JAKMIP1: variants seen among roughly 807,000 people sequenced by gnomAD.
JAKMIP1 encodes the protein janus kinase and microtubule interacting protein 1, also known as janus kinase and microtubule-interacting protein 1.
JAKMIP1 carries 33 observed loss-of-function variants against 113.0 expected under a neutral mutation model. The observed-to-expected ratio is 0.29, with a 90% CI of 0.22 to 0.39. The LOEUF is 0.39. JAKMIP1 is among the 10% of genes least tolerant of loss of function. The probability of loss-of-function intolerance (pLI) is 1.00; values close to 1 mark genes in which losing one functional copy is unlikely to be tolerated. For missense variants in JAKMIP1, 813 were observed against 1,080.5 expected (o/e 0.75, Z 3.47); for synonymous variants, 480 against 459.9 (o/e 1.04, Z -0.56).
chr4:6,054,216 CCTGA>C, intron 12 of JAKMIP1, 68 bp from the exon 13 acceptor site: 1 of 1,497,022 alleles, frequency 6.7e-7, no homozygotes, highest in African/African-American at 1.4e-5. Flanking sequence ...TCACAGGCCA[CCTGA>C]CTGAGTGGCT....
In JAKMIP1 at chr4:6,094,584, G is replaced by T. The variant is rs987662720; in HGVS notation, c.625-8955C>A. Among the ~76,000 whole-genome samples, 1 of 152,216 alleles carries T rather than the reference G, an allele frequency of 6.6e-6. No individual in the cohort carries two copies. Among genetic ancestry groups the T allele is most frequent in the African/African-American group, 2.4e-5 (1 of 41,452 alleles). ...CCTAGTTGAGATCCTGAGGCCCAAG[G>T]CCTTAAGCTGTGCCTTGATTCCTCC... On this transcript the variant is annotated intron_variant, in intron 3 of 20. Transcript: ENST00000409021. This position sits in a 1 kb window ranked among gnomAD's most constrained non-coding sequence, Gnocchi z 4.2.
chr4:6,041,514 C>T (rs1219753421), intron 17 of JAKMIP1, among the ~76,000 whole-genome samples: 2 of 152,188 alleles, frequency 1.3e-5, no homozygotes, highest in African/African-American at 4.8e-5. Context: ...TCAAGAACCA[C>T]GTCTTCTGGG....
chr4:6,195,886 T>C (rs188280461), intron 1 of JAKMIP1, among the ~76,000 whole-genome samples: 7 of 152,352 alleles, frequency 4.6e-5, no homozygotes, highest in African/African-American at 1.7e-4. Context: ...AGACCATACA[T>C]ACACAAATGG....
chr4:6,143,440 C>T lies in JAKMIP1; in HGVS notation c.-147-30443G>A, dbSNP rs184867779. 3.5e-3 allele frequency among the ~76,000 whole-genome samples: 535 copies of T among 152,294 alleles called. 1 individual carries two copies. The highest frequency in any genetic ancestry group is 5.6e-3 in the South Asian group (27 of 4,818). On this transcript the variant is annotated intron_variant, in intron 1 of 20. Coordinates refer to ENST00000409021, the MANE Select transcript of JAKMIP1 (RefSeq NM_001099433.2). This position sits in a 1 kb window ranked among gnomAD's most constrained non-coding sequence, Gnocchi z 4.9. ...CTGAACCCAGGCTGGTAAGAGTCAA[C>T]GGGTCCCCTCTGGAGCCAGCATGTG...
chr4:6,133,143 A>T (rs184988921), intron 1 of JAKMIP1, among the ~76,000 whole-genome samples: 1 of 152,298 alleles, frequency 6.6e-6, no homozygotes, highest in East Asian at 1.9e-4. Context: ...CACCAAAAAA[A>T]CCTCATAATG....
At position 6,112,791 on chromosome 4, in the gene JAKMIP1, C is replaced by A. The variant is rs774836734; in HGVS notation, c.60G>T (p.Gln20His). 2.5e-6 allele frequency: 4 copies of A among 1,614,150 alleles called. No individual in the cohort carries two copies. The South Asian group carries it at 4.4e-5, about 18-fold the overall frequency. The change falls in exon 2 of 21, where the codon CAG becomes CAT. Residue 20 changes from glutamine (Q) to histidine (H), a missense_variant. This residue lies in a region of JAKMIP1 where 540 missense variants were observed against 653.9 expected (regional missense o/e 0.83). Transcript: ENST00000409021. The stretch of plus-strand genomic sequence containing the variant: ...TGGCCCGCAGCTCCTCGTTGGCCAT[C>A]TGCACCGCGTCCGTCTCCATCTCGG... The part of the protein sequence containing the change: ...EKPEMETDAV[Q>H]MANEELRAKL...
rs1033685606 is a variant in JAKMIP1, at chr4:6,040,810, G to T, written c.2098-94C>A. On this transcript the variant is annotated intron_variant, in intron 17 of 20. Transcript: ENST00000409021. This position sits in a 1 kb window ranked among gnomAD's most constrained non-coding sequence, Gnocchi z 5.8. ...TTTGCTAGAGAGTGGCAGTCTCACCGAATTGGGGGCACTCAGATGAGAAGG... is the reference window on the plus strand; with the variant it reads ...TTTGCTAGAGAGTGGCAGTCTCACCTAATTGGGGGCACTCAGATGAGAAGG... The T allele has an allele frequency of 2.2e-6, 2 of 912,360 alleles. No homozygotes were observed. The highest frequency in any genetic ancestry group is 3.5e-6 in the Non-Finnish European group (2 of 568,524). The allele number at this position is 912,360 out of a possible 1,614,324, so 56.5% of individuals were successfully genotyped here.
rs370358525 is a variant in JAKMIP1, at chr4:6,136,497, C to A, written c.-147-23500G>T. ...GTGATCTATTTAATCTCTCAAGGTC[C>A]CAAGAGGGAGGCCTCGCTTCCCATA... On this transcript the variant is annotated intron_variant, in intron 1 of 20. Transcript: ENST00000409021. This position sits in a 1 kb window ranked among gnomAD's most constrained non-coding sequence, Gnocchi z 5.9. Among the ~76,000 whole-genome samples, 7 of 152,182 alleles carry A rather than the reference C, an allele frequency of 4.6e-5. No homozygotes were observed. In the South Asian group the frequency reaches 1.0e-3, roughly 23 times the overall value.
Position 6,069,481 on chromosome 4 carries a change from G to A in JAKMIP1, c.1303-4473C>T, listed in dbSNP as rs531389941. On this transcript the variant is annotated intron_variant, in intron 8 of 20. Transcript: ENST00000409021. The surrounding 1 kb of genome is among the most constrained non-coding windows in gnomAD (Gnocchi z 4.5). ...GATTCAGTTTTGGCCGGGCACAGTGGCTCATGCCTGTAATCCCAGCACTTT... is the reference window on the plus strand; with the variant it reads ...GATTCAGTTTTGGCCGGGCACAGTGACTCATGCCTGTAATCCCAGCACTTT... 2.2e-4 allele frequency among the ~76,000 whole-genome samples: 33 copies of A among 152,304 alleles called. No homozygotes were observed. The highest frequency in any genetic ancestry group is 7.5e-4 in the African/African-American group (31 of 41,556).
In JAKMIP1 at chr4:6,108,724, G is replaced by C. The variant is rs190904617; in HGVS notation, c.130-2757C>G. 6.6e-6 allele frequency among the ~76,000 whole-genome samples: 1 copy of C among 152,192 alleles called. No homozygotes were observed. The highest frequency in any genetic ancestry group is 1.5e-5 in the Non-Finnish European group (1 of 68,030). On this transcript the variant is annotated intron_variant, in intron 2 of 20. Transcript: ENST00000409021. This position sits in a 1 kb window ranked among gnomAD's most constrained non-coding sequence, Gnocchi z 5.6. ...ACTCTGAAACCATCATACATGTATAGTGTTGAACAAAGAAAGTGGATGGCA... is the reference window on the plus strand; with the variant it reads ...ACTCTGAAACCATCATACATGTATACTGTTGAACAAAGAAAGTGGATGGCA...
chr4:6,083,139 A>C (rs6834428), intron 5 of JAKMIP1, among the ~76,000 whole-genome samples: 3,009 of 152,280 alleles, frequency 0.02, 79 homozygotes, highest in African/African-American at 0.053. Flanking sequence ...GCGGTGGCTC[A>C]CGCCTGTAAT....
intron 3 of JAKMIP1, among the ~76,000 whole-genome samples, chr4:6,090,404 C>T (rs1469952383): frequency 6.6e-6 from 1 of 152,026 alleles, no homozygotes; most frequent in African/African-American, 2.4e-5. Flanking sequence ...GGAGCATGGC[C>T]CAGCTGATAT....
At chr4:6,034,409 T>G (rs895783814) in intron 19 of JAKMIP1, among the ~76,000 whole-genome samples, 2 of 152,176 alleles carry the variant, frequency 1.3e-5, no homozygotes, top group African/African-American at 4.8e-5. Context: ...AACCACACCA[T>G]GCTGCTCTGC....
rs1481615717 is a variant in JAKMIP1, at chr4:6,067,613, C to G, written c.1303-2605G>C. ...CTCTTCTGCACACACAGGTCACCCC[C>G]CTGAGCTCCAGGTTCACTCAAGCTC... On this transcript the variant is annotated intron_variant, in intron 8 of 20. Coordinates refer to ENST00000409021, the MANE Select transcript of JAKMIP1 (RefSeq NM_001099433.2). The surrounding 1 kb of genome is among the most constrained non-coding windows in gnomAD (Gnocchi z 4.6). 1.3e-5 allele frequency among the ~76,000 whole-genome samples: 2 copies of G among 148,808 alleles called. No individual in the cohort carries two copies. Among genetic ancestry groups the G allele is most frequent in the East Asian group, 2.0e-4 (1 of 5,054 alleles).
In JAKMIP1 at chr4:6,153,272, A is replaced by G. The variant is rs1285295261; in HGVS notation, c.-147-40275T>C. On this transcript the variant is annotated intron_variant, in intron 1 of 20. Coordinates refer to ENST00000409021, the MANE Select transcript of JAKMIP1 (RefSeq NM_001099433.2). The surrounding 1 kb of genome is among the most constrained non-coding windows in gnomAD (Gnocchi z 4.9). ...GTCCCTGCCTCTCAGCCTCAGCTCC[A>G]GGGGTCTTCCCCGAGCCTGGCCTCC... is the stretch of plus-strand genomic sequence containing the variant. Among the ~76,000 whole-genome samples the G allele has an allele frequency of 6.6e-6, 1 of 152,166 alleles. No individual in the cohort carries two copies. Among genetic ancestry groups the G allele is most frequent in the Non-Finnish European group, 1.5e-5 (1 of 68,026 alleles).
rs1437994328 is a variant in JAKMIP1 at position 6,168,449 on chromosome 4, A to T, written c.-148+31804T>A. Among the ~76,000 whole-genome samples, 1 of 152,230 alleles carries T rather than the reference A, an allele frequency of 6.6e-6. No homozygotes were observed. Among genetic ancestry groups the T allele is most frequent in the African/African-American group, 2.4e-5 (1 of 41,452 alleles). ...TGGTCTATGATATTCCATAGAGCAGAATAGTATTTGGCCATCAGAAGGAAT... is the reference window on the plus strand; with the variant it reads ...TGGTCTATGATATTCCATAGAGCAGTATAGTATTTGGCCATCAGAAGGAAT... On this transcript the variant is annotated intron_variant, in intron 1 of 20. Transcript: ENST00000409021. This position sits in a 1 kb window ranked among gnomAD's most constrained non-coding sequence, Gnocchi z 4.6.
rs371622316 is a variant in JAKMIP1 at position 6,086,084 on chromosome 4, G to A, written c.625-455C>T. On this transcript the variant is annotated intron_variant, in intron 3 of 20. Coordinates refer to ENST00000409021, the MANE Select transcript of JAKMIP1 (RefSeq NM_001099433.2). The surrounding 1 kb of genome is among the most constrained non-coding windows in gnomAD (Gnocchi z 4.1). Reference sequence around the variant, plus strand: ...CTCACCACCAGACAGCTCCTGCCAAGGTCACCAGTGCTCTCCTGGCCACCG... The same window carrying A: ...CTCACCACCAGACAGCTCCTGCCAAAGTCACCAGTGCTCTCCTGGCCACCG... Among the ~76,000 whole-genome samples the A allele has an allele frequency of 1.6e-4, 24 of 152,084 alleles. No homozygotes were observed. The East Asian group carries it at 3.5e-3, about 22-fold the overall frequency.
chr4:6,118,951 G>C (rs185717941), intron 1 of JAKMIP1, among the ~76,000 whole-genome samples: 32 of 152,356 alleles, frequency 2.1e-4, no homozygotes, highest in African/African-American at 7.7e-4. Flanking sequence ...TAAATCCATT[G>C]ACAAGAGTCC....
At position 6,049,009 on chromosome 4, in the gene JAKMIP1, C is replaced by CGTT; in HGVS notation, c.1963-90_1963-88dup. 10 of 917,976 alleles carry CGTT rather than the reference C, an allele frequency of 1.1e-5. No homozygotes were observed. The highest frequency in any genetic ancestry group is 1.6e-5 in the Non-Finnish European group (9 of 571,162). The allele number at this position is 917,976 out of a possible 1,614,324, so 56.9% of individuals were successfully genotyped here. On this transcript the variant is annotated intron_variant, in intron 15 of 20. Coordinates refer to ENST00000409021, the MANE Select transcript of JAKMIP1 (RefSeq NM_001099433.2). This position sits in a 1 kb window ranked among gnomAD's most constrained non-coding sequence, Gnocchi z 7.0. ...CAGCACCAAGCAAGTTTTTTTTTTT[C>CGTT]GTTGTTGTTGTTTGTTTTATTATGT...
Sources: allele counts gnomAD v4.1 joint callset (sites outside exome capture counted in the v4.1 genomes callset), GRCh38; gene constraint gnomAD v4.1.1; regional missense constraint gnomAD v4.1.1; non-coding constraint Gnocchi (gnomAD v3.1); transcripts MANE v1.5; gene names NCBI Gene and HGNC (gene_info 2026-07-23, HGNC 2026-07-21).